Variants in C16orf78 observed in about 807,000 individuals in gnomAD.
The protein encoded by C16orf78 is uncharacterized protein C16orf78.
In C16orf78, 19 loss-of-function variants were observed where a neutral mutation model predicts 27.3. The ratio of observed to expected loss-of-function variants is 0.70; its 90% CI spans 0.49 to 1.02. The LOEUF is 1.02. C16orf78 is among the 50% of genes least tolerant of loss of function. The pLI is 0.00. For missense variants in C16orf78, 339 were observed against 337.0 expected (o/e 1.01, Z -0.05); for synonymous variants, 130 against 116.1 (o/e 1.12, Z -0.77).
intron 3 of C16orf78, among the ~76,000 whole-genome samples, chr16:49,394,423 C>T (rs1480270862): frequency 5.3e-5 from 8 of 151,592 alleles, no homozygotes; most frequent in East Asian, 1.9e-4. Context: ...TATCTAAGAA[C>T]ACAATTTATT....
chr16:49,399,372 A>G lies in C16orf78; in HGVS notation c.*94A>G. On this transcript the variant is annotated 3_prime_UTR_variant, in exon 5 of 5. Transcript: ENST00000299191. ...CTGGCACACTACAAGTGGTCCTTCC[A>G]ACTTAGTGCATCCCTTTAGAAAGTA... is the stretch of plus-strand genomic sequence containing the variant. 3 of 1,405,838 alleles carry G rather than the reference A, an allele frequency of 2.1e-6. No individual in the cohort carries two copies. Among genetic ancestry groups the G allele is most frequent in the Non-Finnish European group, 2.9e-6 (3 of 1,021,536 alleles). 87.1% of individuals were successfully genotyped at this position (1,405,838 alleles called of 1,614,324 possible).
intron 3 of C16orf78, among the ~76,000 whole-genome samples, chr16:49,387,706 G>A (rs565631432): frequency 4.3e-4 from 66 of 152,242 alleles, no homozygotes; most frequent in Middle Eastern, 3.4e-3. Flanking sequence ...GTTGTAGTTG[G>A]TAGGTTAATT....
chr16:49,396,012 G>A (rs1303362782), intron 3 of C16orf78, among the ~76,000 whole-genome samples: 2 of 152,230 alleles, frequency 1.3e-5, no homozygotes. Flanking sequence ...GGAGGCTGAG[G>A]CAGGTGGACC....
chr16:49,378,426 A>G, intron 2 of C16orf78, 44 bp from the exon 3 acceptor site: 1 of 1,542,738 alleles, frequency 6.5e-7, no homozygotes, highest in Non-Finnish European at 8.7e-7. Flanking sequence ...AGGGCGAGCC[A>G]GGTCCTGTAA....
Position 49,396,389 on chromosome 16 carries a change from G to A in C16orf78, c.395-34G>A, listed in dbSNP as rs369001725. Reference sequence around the variant, plus strand: ...TACCCCACCTCTCACGTCTCCCACGGTCTAACTCTTTGATGGCATCTGTCC... The same window carrying A: ...TACCCCACCTCTCACGTCTCCCACGATCTAACTCTTTGATGGCATCTGTCC... On this transcript the variant is annotated intron_variant, in intron 3 of 4. Coordinates refer to ENST00000299191, the MANE Select transcript of C16orf78 (RefSeq NM_144602.4). 2.8e-5 allele frequency: 45 copies of A among 1,610,696 alleles called. No individual in the cohort carries two copies. In the Middle Eastern group the frequency reaches 4.9e-4, roughly 18 times the overall value.
In C16orf78 at chr16:49,378,514, C is replaced by A; in HGVS notation, c.315C>A (p.Ser105Arg). 1 of 1,609,926 alleles carries A rather than the reference C, an allele frequency of 6.2e-7. No homozygotes were observed. The highest frequency in any genetic ancestry group is 8.5e-7 in the Non-Finnish European group (1 of 1,178,086). The change falls in exon 3 of 5, where the codon AGC becomes AGA. Residue 105 changes from serine to arginine, a missense_variant. Physicochemically the swap from Ser to Arg is moderately radical, Grantham distance 110. Coordinates refer to ENST00000299191, the MANE Select transcript of C16orf78 (RefSeq NM_144602.4). Reference sequence around the variant, plus strand: ...GGAAGGACGCCGCCTCCTACCGAAGCCTCTATGGAGTGGAGCAAAAGGGGA... The same window carrying A: ...GGAAGGACGCCGCCTCCTACCGAAGACTCTATGGAGTGGAGCAAAAGGGGA... ...RFRKDAASYRSLYGVEQKGKH... is the reference protein window; with the variant it reads ...RFRKDAASYRRLYGVEQKGKH...
chr16:49,374,434 T>A (rs1965191112), intron 1 of C16orf78, among the ~76,000 whole-genome samples: 1 of 152,196 alleles, frequency 6.6e-6, no homozygotes, highest in Non-Finnish European at 1.5e-5. Context: ...ACTGAGAGAT[T>A]TACATCTCAA....
chr16:49,390,947 A>G (rs1567393791), intron 3 of C16orf78, among the ~76,000 whole-genome samples: 1 of 152,142 alleles, frequency 6.6e-6, no homozygotes, highest in African/African-American at 2.4e-5. Context: ...CCCTCACTCA[A>G]GGATCACTTC....
At chr16:49,383,133 G>T (rs1161795797) in intron 3 of C16orf78, among the ~76,000 whole-genome samples, 1 of 152,190 alleles carries the variant, frequency 6.6e-6, no homozygotes, top group African/African-American at 2.4e-5. Flanking sequence ...GCCAGTGGGT[G>T]GTGTGGTTGC....
At chr16:49,393,970 G>T (rs1596931874) in intron 3 of C16orf78, among the ~76,000 whole-genome samples, 1 of 151,918 alleles carries the variant, frequency 6.6e-6, no homozygotes, top group East Asian at 1.9e-4. Flanking sequence ...AAAACCTAAA[G>T]GAAATGGATG....
At position 49,396,456 on chromosome 16, in the gene C16orf78, C is replaced by A; in HGVS notation, c.428C>A (p.Ser143Tyr). 1.2e-6 allele frequency: 2 copies of A among 1,614,186 alleles called. No homozygotes were observed. The highest frequency in any genetic ancestry group is 1.1e-5 in the South Asian group (1 of 91,084). ...TDIKDAVDPE[S>Y]TQRPNPFRRQ... ...ATCAAGGATGCAGTCGACCCAGAGTCCACTCAGCGGCCAAACCCATTCCGT... is the reference window on the plus strand; with the variant it reads ...ATCAAGGATGCAGTCGACCCAGAGTACACTCAGCGGCCAAACCCATTCCGT... Residue 143 changes from serine to tyrosine, a missense_variant, in exon 4 of 5, where the codon TCC becomes TAC. Transcript: ENST00000299191.
intron 3 of C16orf78, among the ~76,000 whole-genome samples, chr16:49,381,292 A>G (rs1032478475): frequency 5.3e-5 from 8 of 152,088 alleles, no homozygotes; most frequent in South Asian, 4.2e-4. Flanking sequence ...ATTTGTTTGT[A>G]TCCTCTTTTA....
At chr16:49,377,118 G>A (rs1341973566) in intron 1 of C16orf78, among the ~76,000 whole-genome samples, 1 of 152,196 alleles carries the variant, frequency 6.6e-6, no homozygotes, top group Non-Finnish European at 1.5e-5. Context: ...CCCTGCGAGA[G>A]CAGGAGGGCC....
chr16:49,382,859 T>G (rs1965304427), intron 3 of C16orf78, among the ~76,000 whole-genome samples: 2 of 152,220 alleles, frequency 1.3e-5, no homozygotes, highest in South Asian at 4.1e-4. Flanking sequence ...GGCTTTTTAC[T>G]TGAAGAGAAC....
intron 4 of C16orf78, among the ~76,000 whole-genome samples, chr16:49,397,570 C>T (rs553456284): frequency 8.4e-4 from 128 of 152,294 alleles, no homozygotes; most frequent in African/African-American, 2.5e-3. Context: ...GGGTGGATGA[C>T]TTTGGCCCTG....
chr16:49,387,507 T>G (rs561346901), intron 3 of C16orf78, among the ~76,000 whole-genome samples: 3 of 152,216 alleles, frequency 2.0e-5, no homozygotes, highest in Non-Finnish European at 4.4e-5. Context: ...TGACATTTTC[T>G]TTTTTTGTTG....
At chr16:49,390,235 G>C (rs1398360411) in intron 3 of C16orf78, among the ~76,000 whole-genome samples, 1 of 152,140 alleles carries the variant, frequency 6.6e-6, no homozygotes, top group Non-Finnish European at 1.5e-5. Context: ...TCTTGGGTTT[G>C]TATTTGGGGT....
intron 4 of C16orf78, among the ~76,000 whole-genome samples, chr16:49,397,972 C>T (rs2151617212): frequency 1.3e-5 from 2 of 152,234 alleles, no homozygotes; most frequent in Middle Eastern, 6.8e-3. Flanking sequence ...TGCCATGTTT[C>T]CCAGGCTGGT....
At chr16:49,380,396 G>T (rs1326176923) in intron 3 of C16orf78, among the ~76,000 whole-genome samples, 1 of 152,130 alleles carries the variant, frequency 6.6e-6, no homozygotes, top group Non-Finnish European at 1.5e-5. Context: ...AATCTAGATT[G>T]CCTTATGCCT....
Sources: gnomAD v4.1 joint callset for allele counts (sites outside exome capture counted in the v4.1 genomes callset) on GRCh38, gnomAD v4.1.1 for gene constraint, MANE v1.5 for transcripts, NCBI Gene and HGNC (gene_info 2026-07-23, HGNC 2026-07-21) for gene names.